Variants in EVI5 observed in about 807,000 individuals in gnomAD.
EVI5 encodes ecotropic viral integration site 5.
EVI5 carries 73 observed loss-of-function variants against 112.0 expected under a neutral mutation model. That is an observed-to-expected ratio of 0.65 (90% confidence interval 0.54 to 0.79). EVI5 has a LOEUF of 0.79. Ranked by LOEUF, EVI5 falls within the 30% of genes least tolerant of loss-of-function variation. EVI5 has a pLI of 0.00. For missense variants in EVI5, 900 were observed against 968.8 expected, an observed-to-expected ratio of 0.93 and a Z score of 0.94; for synonymous variants, 305 against 319.9, an observed-to-expected ratio of 0.95 and a Z score of 0.50.
chr1:92,767,711 G>C (rs1470504270), intron 1 of EVI5, among the ~76,000 whole-genome samples: 2 of 152,188 alleles, frequency 1.3e-5, no homozygotes, highest in African/African-American at 4.8e-5. Context: ...TTTGAATCTT[G>C]GTTTCCTTGA....
chr1:92,672,337 T>C (rs1029842893), intron 10 of EVI5, among the ~76,000 whole-genome samples: 10 of 152,182 alleles, frequency 6.6e-5, no homozygotes, highest in African/African-American at 2.4e-4. Flanking sequence ...TCTTACTTCC[T>C]ACCACTTTTC....
Position 92,632,181 on chromosome 1 carries a change from T to C in EVI5, c.1527+4021A>G, listed in dbSNP as rs146448459. Among the ~76,000 whole-genome samples, 446 of 152,340 alleles carry C rather than the reference T, an allele frequency of 2.9e-3. 2 individuals carry two copies. The highest frequency in any genetic ancestry group is 0.01 in the African/African-American group (419 of 41,574). ...TCTCTGCCAACCTTTGGTATCAGGA[T>C]GATGCTGGCCTCATAAAATGAGTTA... On this transcript the variant is annotated intron_variant, in intron 14 of 19. Transcript: ENST00000684568.
At chr1:92,635,442 A>G (rs1195326228) in intron 14 of EVI5, among the ~76,000 whole-genome samples, 2 of 152,224 alleles carry the variant, frequency 1.3e-5, no homozygotes, top group East Asian at 3.9e-4. Context: ...TGTGCTAGTA[A>G]TGAGTGAGGC....
chr1:92,634,900 C>G (rs1658404050), intron 14 of EVI5, among the ~76,000 whole-genome samples: 1 of 152,204 alleles, frequency 6.6e-6, no homozygotes, highest in African/African-American at 2.4e-5. Context: ...TTCTACCAGT[C>G]AGGACCCTTA....
intron 13 of EVI5, among the ~76,000 whole-genome samples, chr1:92,650,875 G>T (rs1374984330): frequency 1.3e-5 from 2 of 152,046 alleles, no homozygotes; most frequent in East Asian, 3.8e-4. Flanking sequence ...TTTCTACTAA[G>T]TGTATGCTCT....
chr1:92,660,177 T>G (rs1226346605), intron 13 of EVI5, among the ~76,000 whole-genome samples: 4 of 151,978 alleles, frequency 2.6e-5, no homozygotes, highest in Non-Finnish European at 4.4e-5. Context: ...TCCACTACTA[T>G]GAAATATATC....
At chr1:92,651,385 C>A (rs958805152) in intron 13 of EVI5, among the ~76,000 whole-genome samples, 11 of 152,230 alleles carry the variant, frequency 7.2e-5, no homozygotes, top group African/African-American at 2.6e-4. Context: ...GAACCATAAA[C>A]AAAATCTCGG....
At chr1:92,562,860 T>C (rs1374486290) in intron 19 of EVI5, among the ~76,000 whole-genome samples, 2 of 152,178 alleles carry the variant, frequency 1.3e-5, no homozygotes, top group Admixed American at 6.5e-5. Flanking sequence ...AATTTCTCTT[T>C]CTTCTTCTTT....
intron 17 of EVI5, 85 bp downstream of exon 17, chr1:92,607,496 A>T: frequency 1.0e-6 from 1 of 965,086 alleles, no homozygotes; most frequent in Non-Finnish European, 1.4e-6. Context: ...TTTTGTTTTT[A>T]AGATAATCTA....
chr1:92,526,513 T>G (rs892078686), intron 19 of EVI5, among the ~76,000 whole-genome samples: 27 of 152,232 alleles, frequency 1.8e-4, no homozygotes, highest in African/African-American at 6.5e-4. Flanking sequence ...TTAAGCAGTT[T>G]AATATTAGTG....
At chr1:92,698,129 A>T (rs1670600494) in intron 5 of EVI5, 144 bp from the exon 6 acceptor site, 4 of 711,650 alleles carry the variant, frequency 5.6e-6, no homozygotes, top group African/African-American at 1.8e-5. Flanking sequence ...TGAGGTAAGA[A>T]TCAGAAAGTT....
chr1:92,589,551 G>T (rs895684121), intron 18 of EVI5, among the ~76,000 whole-genome samples: 2 of 152,156 alleles, frequency 1.3e-5, no homozygotes, highest in African/African-American at 4.8e-5. Context: ...ACTGCAAGGC[G>T]GCAGCGAGGC....
At chr1:92,676,141 T>G (rs1666714856) in intron 10 of EVI5, among the ~76,000 whole-genome samples, 1 of 151,576 alleles carries the variant, frequency 6.6e-6, no homozygotes, top group African/African-American at 2.4e-5. Context: ...GAATAGAACC[T>G]CTAGAAAAGG....
intron 2 of EVI5, chr1:92,732,163 A>G (rs570781769): frequency 5.1e-6 from 1 of 196,844 alleles, no homozygotes; most frequent in East Asian, 1.7e-4. Context: ...AATCAATGAG[A>G]GACTGAAGAC....
chr1:92,677,737 T>C (rs1229135529), intron 9 of EVI5, among the ~76,000 whole-genome samples: 1 of 152,232 alleles, frequency 6.6e-6, no homozygotes. Flanking sequence ...GAACCACTAA[T>C]GGATGCTAAA....
chr1:92,590,398 A>C, intron 18 of EVI5, among the ~76,000 whole-genome samples: 1 of 152,196 alleles, frequency 6.6e-6, no homozygotes, highest in East Asian at 1.9e-4. Flanking sequence ...AACTAGAATA[A>C]CCAATGCAGA....
At chr1:92,694,449 C>A (rs1669994463) in intron 7 of EVI5, 61 bp from the exon 8 acceptor site, 1 of 927,128 alleles carries the variant, frequency 1.1e-6, no homozygotes, top group South Asian at 1.5e-5. Context: ...AAAAACGAGT[C>A]ATTTGAAATA....
intron 13 of EVI5, among the ~76,000 whole-genome samples, chr1:92,659,577 G>A (rs1031814114): frequency 3.3e-5 from 5 of 151,980 alleles, no homozygotes; most frequent in Non-Finnish European, 7.4e-5. Flanking sequence ...CTATTAAAAA[G>A]TCAGAAAATA....
At chr1:92,562,228 G>T (rs1271106726) in intron 19 of EVI5, among the ~76,000 whole-genome samples, 1 of 151,944 alleles carries the variant, frequency 6.6e-6, no homozygotes, top group African/African-American at 2.4e-5. Flanking sequence ...TATGGCTATC[G>T]ATTTAAAAAT....
Sources: allele counts gnomAD v4.1 joint callset (sites outside exome capture counted in the v4.1 genomes callset), GRCh38; gene constraint gnomAD v4.1.1; transcripts MANE v1.5; gene names NCBI Gene and HGNC (gene_info 2026-07-23, HGNC 2026-07-21).